SLAIN1: variants seen among roughly 807,000 people sequenced by gnomAD.
SLAIN1 encodes SLAIN motif-containing protein 1.
SLAIN1 carries 17 observed loss-of-function variants against 55.4 expected under a neutral mutation model. That is an observed-to-expected ratio of 0.31 (90% CI 0.21 to 0.46). SLAIN1 has a LOEUF of 0.46. Among genes scored for constraint, SLAIN1 ranks in the 20% least tolerant of loss-of-function variants. SLAIN1 has a pLI of 1.00. For synonymous variants in SLAIN1, 348 were observed against 337.4 expected, an observed-to-expected ratio of 1.03 and a Z score of -0.35; for missense variants, 682 against 785.1, an observed-to-expected ratio of 0.87 and a Z score of 1.57.
rs2090997984 is a variant in SLAIN1, at chr13:77,698,584, G to A, written c.626+45G>A. The A allele has an allele frequency of 1.5e-6, 2 of 1,361,218 alleles. No homozygotes were observed. The highest frequency in any genetic ancestry group is 2.9e-5 in the East Asian group (1 of 34,802). 84.3% of individuals were successfully genotyped at this position (1,361,218 alleles called of 1,614,324 possible). On this transcript the variant is annotated intron_variant, in intron 1 of 6. Coordinates refer to ENST00000418532, the MANE Select transcript of SLAIN1 (RefSeq NM_001242868.2). This position sits in a 1 kb window ranked among gnomAD's most constrained non-coding sequence, Gnocchi z 4.1. ...CTTCCCCGAGACCCTGGCCTCGGGG[G>A]CTTCGGGCACCGGGGAGCGGGGGCG...
rs561152906 is a variant in SLAIN1, at chr13:77,743,667, T to TGAAGCCATTGATTTTTTTATCC, written c.767-615_767-594dup. Among the ~76,000 whole-genome samples the TGAAGCCATTGATTTTTTTATCC allele has an allele frequency of 4.0e-3, 605 of 152,076 alleles. 3 individuals are homozygous for TGAAGCCATTGATTTTTTTATCC. The highest frequency in any genetic ancestry group is 6.2e-3 in the Non-Finnish European group (420 of 67,952). On this transcript the variant is annotated intron_variant, in intron 2 of 6. Coordinates refer to ENST00000418532, the MANE Select transcript of SLAIN1 (RefSeq NM_001242868.2). ...CTATTTGTTCTTTGGTTCTTTTATCTGAAGCCATTGATTTTTTTATCCTCA... is the reference window on the plus strand; with the variant it reads ...CTATTTGTTCTTTGGTTCTTTTATCTGAAGCCATTGATTTTTTTATCCGAAGCCATTGATTTTTTTATCCTCA...
intron 5 of SLAIN1, among the ~76,000 whole-genome samples, chr13:77,759,256 G>A (rs550225313): frequency 3.3e-5 from 5 of 152,232 alleles, no homozygotes; most frequent in South Asian, 4.1e-4. Flanking sequence ...ATACAGCAGT[G>A]CTACTGATTT....
intron 2 of SLAIN1, among the ~76,000 whole-genome samples, chr13:77,722,300 A>G (rs1044358352): frequency 1.6e-4 from 25 of 152,162 alleles, no homozygotes; most frequent in African/African-American, 5.3e-4. Context: ...ATAATCCATA[A>G]TCCTGTTGAG....
chr13:77,755,354 G>A lies in SLAIN1; in HGVS notation c.1414+1996G>A, dbSNP rs531714183. ...AGAAAAAAAAAAATCAATAGTGTAAGTGTGGGAGGGGAGAAATACAGTTTG... is the reference window on the plus strand; with the variant it reads ...AGAAAAAAAAAAATCAATAGTGTAAATGTGGGAGGGGAGAAATACAGTTTG... On this transcript the variant is annotated intron_variant, in intron 5 of 6. Transcript: ENST00000418532. Among the ~76,000 whole-genome samples the A allele has an allele frequency of 2.0e-5, 3 of 152,114 alleles. No individual in the cohort carries two copies. The East Asian group carries it at 5.8e-4, about 29-fold the overall frequency.
chr13:77,721,034 G>A (rs982193945), intron 2 of SLAIN1, among the ~76,000 whole-genome samples: 3 of 152,062 alleles, frequency 2.0e-5, no homozygotes, highest in South Asian at 2.1e-4. Context: ...TAAGTGACTC[G>A]AAGAAAACTG....
intron 1 of SLAIN1, among the ~76,000 whole-genome samples, chr13:77,699,794 C>T (rs1285033099): frequency 2.0e-5 from 3 of 152,130 alleles, no homozygotes; most frequent in African/African-American, 7.2e-5. Flanking sequence ...GTAAAAAAAT[C>T]AAACAACTCA....
chr13:77,741,315 G>T (rs1478554246), intron 2 of SLAIN1: 6 of 987,438 alleles, frequency 6.1e-6, no homozygotes, highest in African/African-American at 1.7e-5. Context: ...GCTACCTAGT[G>T]TGTGTTGCAT....
intron 1 of SLAIN1, among the ~76,000 whole-genome samples, chr13:77,700,966 TA>T (rs552711200): frequency 7.2e-5 from 11 of 152,216 alleles, no homozygotes; most frequent in Non-Finnish European, 1.0e-4. Flanking sequence ...TCCTTCAAGA[TA>T]AAAAAATATA....
chr13:77,743,678 A>C (rs1873613811), intron 2 of SLAIN1, among the ~76,000 whole-genome samples: 1 of 151,626 alleles, frequency 6.6e-6, no homozygotes, highest in Non-Finnish European at 1.5e-5. Flanking sequence ...GAAGCCATTG[A>C]TTTTTTTATC....
Position 77,698,235 on chromosome 13 carries a change from G to A in SLAIN1, c.322G>A (p.Gly108Ser). 2 of 1,348,604 alleles carry A rather than the reference G, an allele frequency of 1.5e-6. No individual in the cohort carries two copies. Among genetic ancestry groups the A allele is most frequent in the South Asian group, 1.7e-5 (1 of 57,900 alleles). The allele number at this position is 1,348,604 out of a possible 1,614,324, so 83.5% of individuals were successfully genotyped here. ...GCTGGCGCTGGGCGCGGGGGGCGGT[G>A]GCGGCAGCGGTAGTGGCAGCGGCGG... ...LGLALGAGGGGGSGSGSGGGS... is the reference protein window; with the variant it reads ...LGLALGAGGGSGSGSGSGGGS... Residue 108 changes from glycine to serine, a missense_variant, in exon 1 of 7, where the codon GGC becomes AGC. Transcript: ENST00000418532. This position sits in a 1 kb window ranked among gnomAD's most constrained non-coding sequence, Gnocchi z 4.1.
intron 1 of SLAIN1, among the ~76,000 whole-genome samples, chr13:77,714,516 G>C (rs2091186861): frequency 6.6e-6 from 1 of 152,116 alleles, no homozygotes; most frequent in African/African-American, 2.4e-5. Flanking sequence ...AGGAGGCTGA[G>C]GTGGGAGGAT....
chr13:77,740,837 G>A (rs553309772), intron 2 of SLAIN1, among the ~76,000 whole-genome samples: 31 of 152,068 alleles, frequency 2.0e-4, no homozygotes, highest in Non-Finnish European at 4.3e-4. Flanking sequence ...GAACAACTAG[G>A]ATGTGATAGC....
At chr13:77,749,553 T>A (rs1874067221) in intron 4 of SLAIN1, among the ~76,000 whole-genome samples, 1 of 152,146 alleles carries the variant, frequency 6.6e-6, no homozygotes, top group South Asian at 2.1e-4. Flanking sequence ...GAGTGATGAG[T>A]CTTGCTGCCT....
At chr13:77,747,422 T>C (rs1250985501) in intron 4 of SLAIN1, among the ~76,000 whole-genome samples, 1 of 152,134 alleles carries the variant, frequency 6.6e-6, no homozygotes, top group African/African-American at 2.4e-5. Flanking sequence ...CGGAATGAGT[T>C]ATAAATGTGC....
intron 2 of SLAIN1, among the ~76,000 whole-genome samples, chr13:77,735,926 C>T (rs551243279): frequency 5.1e-4 from 78 of 151,534 alleles, no homozygotes; most frequent in African/African-American, 1.7e-3. Flanking sequence ...TTTTTTTCCT[C>T]TTAATTATGG....
chr13:77,743,189 G>A, intron 2 of SLAIN1: 3 of 1,291,486 alleles, frequency 2.3e-6, no homozygotes, highest in Non-Finnish European at 3.0e-6. Context: ...TTCTTGACTA[G>A]CTGCTTGCTT....
chr13:77,723,870 A>G (rs925153175), intron 2 of SLAIN1, among the ~76,000 whole-genome samples: 2 of 151,396 alleles, frequency 1.3e-5, no homozygotes, highest in Non-Finnish European at 2.9e-5. Context: ...TTCAAATTTT[A>G]TATTTTTCTC....
chr13:77,725,737 C>T (rs1020425454), intron 2 of SLAIN1, among the ~76,000 whole-genome samples: 4 of 152,142 alleles, frequency 2.6e-5, no homozygotes, highest in Admixed American at 6.5e-5. Flanking sequence ...CTTATTTCCT[C>T]TTTACCCTAG....
chr13:77,757,732 G>A (rs1274935504), intron 5 of SLAIN1, among the ~76,000 whole-genome samples: 2 of 152,020 alleles, frequency 1.3e-5, no homozygotes, highest in African/African-American at 2.4e-5. Flanking sequence ...ATGGCCTCTG[G>A]TTCCATCAAA....
Sources: gnomAD v4.1 joint callset for allele counts (sites outside exome capture counted in the v4.1 genomes callset) on GRCh38, gnomAD v4.1.1 for gene constraint, Gnocchi (gnomAD v3.1) non-coding constraint, MANE v1.5 for transcripts, NCBI Gene and HGNC (gene_info 2026-07-23, HGNC 2026-07-21) for gene names.